Variants in PDE4D observed in about 807,000 individuals in gnomAD.
The protein encoded by PDE4D is phosphodiesterase 4D.
PDE4D carries 24 observed loss-of-function variants against 87.4 expected under a neutral mutation model. The observed-to-expected ratio is 0.27, with a 90% CI of 0.20 to 0.39. The LOEUF (loss-of-function observed/expected upper bound fraction) is 0.39, where lower values mean the gene tolerates loss of function less well. Among genes scored for constraint, PDE4D ranks in the 10% least tolerant of loss-of-function variants. The pLI, the probability that PDE4D is intolerant of heterozygous loss-of-function variation, is 1.00. For synonymous variants in PDE4D, 384 were observed against 383.2 expected, an observed-to-expected ratio of 1.00 and a Z score of -0.02; for missense variants, 714 against 1,041.0, an observed-to-expected ratio of 0.69 and a Z score of 4.32.
intron 2 of PDE4D, among the ~76,000 whole-genome samples, chr5:59,211,604 T>C (rs982017702): frequency 9.9e-5 from 15 of 152,142 alleles, no homozygotes; most frequent in African/African-American, 3.1e-4. Context: ...TGCTTTTTTT[T>C]CAAAAGATTA....
intron 1 of PDE4D, among the ~76,000 whole-genome samples, chr5:59,671,360 T>G (rs1217085429): frequency 6.6e-6 from 1 of 152,180 alleles, no homozygotes; most frequent in Non-Finnish European, 1.5e-5. Context: ...TTTGGCTAGC[T>G]TGATTCCTTT....
chr5:60,011,880 A>C (rs1765050319), intron 2 of PDE4D, among the ~76,000 whole-genome samples: 1 of 152,190 alleles, frequency 6.6e-6, no homozygotes, highest in South Asian at 2.1e-4. Flanking sequence ...CCTCAGACTC[A>C]GGATCCACAA....
At chr5:59,955,127 G>T (rs1235152047) in intron 3 of PDE4D, among the ~76,000 whole-genome samples, 1 of 152,076 alleles carries the variant, frequency 6.6e-6, no homozygotes, top group African/African-American at 2.4e-5. Context: ...AAAAGAAGAG[G>T]TTATATAAGC....
At chr5:59,356,792 C>T (rs1378673509) in intron 1 of PDE4D, 1 of 1,571,306 alleles carries the variant, frequency 6.4e-7, no homozygotes, top group Non-Finnish European at 8.5e-7. Context: ...CTTGATTTGG[C>T]TCTTGTAGAT....
At chr5:59,494,885 G>A (rs1806882495) in intron 1 of PDE4D, among the ~76,000 whole-genome samples, 1 of 152,062 alleles carries the variant, frequency 6.6e-6, no homozygotes, top group South Asian at 2.1e-4. Context: ...TGGAATAAAT[G>A]GATGTGTTCT....
chr5:59,321,090 T>C (rs1256176398), intron 1 of PDE4D, among the ~76,000 whole-genome samples: 3 of 152,082 alleles, frequency 2.0e-5, no homozygotes, highest in Non-Finnish European at 4.4e-5. Flanking sequence ...CATATTAAAC[T>C]TGAACTGACT....
intron 1 of PDE4D, among the ~76,000 whole-genome samples, chr5:60,324,010 C>G (rs541465126): frequency 6.6e-6 from 1 of 152,194 alleles, no homozygotes; most frequent in African/African-American, 2.4e-5. Flanking sequence ...TTGTCAGCTC[C>G]AATTTTCTGT....
At chr5:60,403,717 G>A (rs1473273293) in intron 1 of PDE4D, among the ~76,000 whole-genome samples, 1 of 152,180 alleles carries the variant, frequency 6.6e-6, no homozygotes, top group Non-Finnish European at 1.5e-5. Context: ...TGAAATTTAA[G>A]CCCAGTCTGC....
At chr5:59,563,854 A>G (rs1820457605) in intron 1 of PDE4D, among the ~76,000 whole-genome samples, 1 of 152,222 alleles carries the variant, frequency 6.6e-6, no homozygotes, top group South Asian at 2.1e-4. Context: ...GATACCAAAC[A>G]TGACAACATA....
At chr5:59,741,341 C>T (rs956342102) in intron 1 of PDE4D, among the ~76,000 whole-genome samples, 1 of 152,038 alleles carries the variant, frequency 6.6e-6, no homozygotes, top group Non-Finnish European at 1.5e-5. Flanking sequence ...TTTGCCCTGC[C>T]TTGTCTTTCT....
chr5:59,842,048 G>A (rs897104234), intron 1 of PDE4D, among the ~76,000 whole-genome samples: 1 of 151,998 alleles, frequency 6.6e-6, no homozygotes, highest in Non-Finnish European at 1.5e-5. Context: ...AGTTATTGAA[G>A]GTTCAAAAGT....
intron 1 of PDE4D, among the ~76,000 whole-genome samples, chr5:59,221,450 G>T (rs2153510366): frequency 6.6e-6 from 1 of 152,156 alleles, no homozygotes. Context: ...TGGGCAACAT[G>T]GTGAAACACC....
intron 1 of PDE4D, among the ~76,000 whole-genome samples, chr5:60,285,767 A>G (rs529622072): frequency 1.3e-5 from 2 of 152,316 alleles, no homozygotes; most frequent in East Asian, 3.9e-4. Context: ...CAAATTCATC[A>G]AATATGGATT....
chr5:59,943,508 G>T (rs1207004596), intron 3 of PDE4D, among the ~76,000 whole-genome samples: 1 of 152,080 alleles, frequency 6.6e-6, no homozygotes, highest in Non-Finnish European at 1.5e-5. Flanking sequence ...TATCATTTAG[G>T]GAAGAGACCT....
At chr5:60,439,756 C>T (rs967113146) in intron 1 of PDE4D, among the ~76,000 whole-genome samples, 3 of 152,182 alleles carry the variant, frequency 2.0e-5, no homozygotes, top group Non-Finnish European at 4.4e-5. Context: ...AGTTGAGCCC[C>T]GGCCATGCAG....
chr5:59,354,180 C>T (rs1780974922), intron 1 of PDE4D, among the ~76,000 whole-genome samples: 1 of 151,890 alleles, frequency 6.6e-6, no homozygotes, highest in Admixed American at 6.6e-5. Context: ...AAATATTGCT[C>T]ATAAAAAAAA....
At chr5:59,739,756 C>T (rs1163316505) in intron 1 of PDE4D, among the ~76,000 whole-genome samples, 1 of 152,128 alleles carries the variant, frequency 6.6e-6, no homozygotes, top group Non-Finnish European at 1.5e-5. Context: ...GAGAATGCAT[C>T]TTAATGCACC....
At chr5:60,506,520 T>C (rs1750330798) in intron 1 of PDE4D, among the ~76,000 whole-genome samples, 1 of 152,150 alleles carries the variant, frequency 6.6e-6, no homozygotes, top group South Asian at 2.1e-4. Context: ...TTTGAAAAAC[T>C]GAATAGCAAA....
At chr5:60,013,818 G>T (rs866998031) in intron 2 of PDE4D, among the ~76,000 whole-genome samples, 4 of 152,002 alleles carry the variant, frequency 2.6e-5, no homozygotes, top group Middle Eastern at 3.2e-3. Flanking sequence ...CATTGGGCAG[G>T]CCTGTTCCTT....
Sources: gnomAD v4.1 joint callset for allele counts (sites outside exome capture counted in the v4.1 genomes callset) on GRCh38, gnomAD v4.1.1 for gene constraint, MANE v1.5 for transcripts, NCBI Gene and HGNC (gene_info 2026-07-23, HGNC 2026-07-21) for gene names.